AGBL4: variants seen among roughly 807,000 people sequenced by gnomAD.
AGBL4 encodes the protein cytosolic carboxypeptidase 6.
In AGBL4, 58 loss-of-function variants were observed where a neutral mutation model predicts 66.4. The observed-to-expected ratio is 0.87, with a 90% CI of 0.71 to 1.09. The LOEUF (loss-of-function observed/expected upper bound fraction) is 1.09, where lower values mean the gene tolerates loss of function less well. Ranked by LOEUF, AGBL4 falls within the 50% of genes least tolerant of loss-of-function variation. AGBL4 has a pLI of 0.00. For synonymous variants in AGBL4, 234 were observed against 222.9 expected (o/e 1.05, Z -0.44); for missense variants, 579 against 631.0 (o/e 0.92, Z 0.88).
intron 2 of AGBL4, among the ~76,000 whole-genome samples, chr1:49,785,449 T>C (rs1187144810): frequency 6.6e-6 from 1 of 152,064 alleles, no homozygotes; most frequent in African/African-American, 2.4e-5. Context: ...TATATATTAC[T>C]ATTTGACAAT....
downstream of AGBL4, among the ~76,000 whole-genome samples, chr1:48,530,577 C>T (rs1038883191): frequency 1.3e-5 from 2 of 152,112 alleles, no homozygotes; most frequent in Admixed American, 6.5e-5. Flanking sequence ...TGTTGGCTGC[C>T]GCAAAGCAAA....
chr1:48,654,840 C>T (rs748018349), intron 7 of AGBL4, among the ~76,000 whole-genome samples: 48 of 152,226 alleles, frequency 3.2e-4, no homozygotes, highest in Admixed American at 1.3e-4. Flanking sequence ...TCTCGGCTAA[C>T]GCGGCAGTAG....
intron 9 of AGBL4, among the ~76,000 whole-genome samples, chr1:48,604,880 G>C (rs1264272369): frequency 6.6e-6 from 1 of 152,164 alleles, no homozygotes; most frequent in Non-Finnish European, 1.5e-5. Flanking sequence ...GGATTGAAGG[G>C]AAGTCCCACA....
At chr1:49,986,686 C>G (rs567308201) in intron 1 of AGBL4, among the ~76,000 whole-genome samples, 1 of 152,040 alleles carries the variant, frequency 6.6e-6, no homozygotes, top group African/African-American at 2.4e-5. Context: ...AAATATTTTA[C>G]ACTAATTTCT....
At chr1:48,830,852 AG>A (rs1429838198) in intron 6 of AGBL4, among the ~76,000 whole-genome samples, 1 of 152,184 alleles carries the variant, frequency 6.6e-6, no homozygotes, top group Admixed American at 6.5e-5. Flanking sequence ...TAAACGTAAA[AG>A]TTCATTCATC....
At chr1:49,482,050 C>A (rs1646966849) in intron 3 of AGBL4, among the ~76,000 whole-genome samples, 1 of 150,606 alleles carries the variant, frequency 6.6e-6, no homozygotes, top group African/African-American at 2.4e-5. Context: ...AAGATTTTTG[C>A]ATTTATATTC....
At position 49,556,924 on chromosome 1, in the gene AGBL4, C is replaced by T. The variant is rs186162990; in HGVS notation, c.282+140389G>A. Among the ~76,000 whole-genome samples the T allele has an allele frequency of 3.9e-5, 6 of 152,220 alleles. No homozygotes were observed. In the East Asian group the frequency reaches 1.2e-3, roughly 30 times the overall value. ...TGCAGTGCTGGGGGACCCGGCGCACCCTCCGCAGATGCTGGCCCAGGTGCT... is the reference window on the plus strand; with the variant it reads ...TGCAGTGCTGGGGGACCCGGCGCACTCTCCGCAGATGCTGGCCCAGGTGCT... On this transcript the variant is annotated intron_variant, in intron 3 of 13. Transcript: ENST00000371839.
At chr1:49,960,756 T>A (rs1311110180) in intron 1 of AGBL4, among the ~76,000 whole-genome samples, 2 of 152,078 alleles carry the variant, frequency 1.3e-5, no homozygotes, top group Non-Finnish European at 2.9e-5. Flanking sequence ...ATTTTATAGG[T>A]GACAAATGTG....
chr1:49,207,542 T>TTTTCTCTC (rs1648290095), intron 4 of AGBL4, among the ~76,000 whole-genome samples: 3 of 77,976 alleles, frequency 3.8e-5, no homozygotes, highest in Admixed American at 1.6e-4. Context: ...TTTTTCTTTC[T>TTTTCTCTC]TTTCTTTCTT....
At chr1:48,899,657 C>A (rs921244581) in intron 5 of AGBL4, among the ~76,000 whole-genome samples, 15 of 149,020 alleles carry the variant, frequency 1.0e-4, no homozygotes, top group Non-Finnish European at 3.0e-5. Context: ...TCAACTCAGG[C>A]CTGCTACAAG....
intron 3 of AGBL4, among the ~76,000 whole-genome samples, chr1:49,406,942 G>T (rs1645213633): frequency 6.6e-6 from 1 of 151,662 alleles, no homozygotes; most frequent in South Asian, 2.1e-4. Flanking sequence ...GCGGGCGCCT[G>T]TAGTCCCAGC....
chr1:49,027,285 C>T (rs530000957), intron 5 of AGBL4, among the ~76,000 whole-genome samples: 5 of 151,962 alleles, frequency 3.3e-5, no homozygotes, highest in East Asian at 1.9e-4. Context: ...CTAAGCTTCC[C>T]GAGTAGCTGA....
At chr1:49,193,726 G>T (rs992561867) in intron 4 of AGBL4, among the ~76,000 whole-genome samples, 1 of 151,788 alleles carries the variant, frequency 6.6e-6, no homozygotes, top group Admixed American at 6.6e-5. Context: ...GTAGAGATGG[G>T]GTTTCACCAT....
intron 7 of AGBL4, among the ~76,000 whole-genome samples, chr1:48,656,007 G>A (rs1043587400): frequency 6.6e-6 from 1 of 152,190 alleles, no homozygotes; most frequent in Non-Finnish European, 1.5e-5. Flanking sequence ...CCTCCTGCTG[G>A]AAGACACCAT....
chr1:48,577,670 AC>A, intron 11 of AGBL4, among the ~76,000 whole-genome samples: 1 of 151,318 alleles, frequency 6.6e-6, no homozygotes, highest in South Asian at 2.1e-4. Context: ...AGGGCTCACA[AC>A]AGGCAGCAGC....
chr1:49,496,370 T>C (rs1216997259), intron 3 of AGBL4, among the ~76,000 whole-genome samples: 2 of 152,036 alleles, frequency 1.3e-5, no homozygotes, highest in East Asian at 3.9e-4. Flanking sequence ...CTCACGTACT[T>C]ATTTTTGTGG....
Position 49,947,991 on chromosome 1 carries a change from T to A in AGBL4, c.34+75772A>T, listed in dbSNP as rs1443162189. On this transcript the variant is annotated intron_variant, in intron 1 of 13. Coordinates refer to ENST00000371839, the MANE Select transcript of AGBL4 (RefSeq NM_032785.4). ...ATATATATTTATAAATATATATTTA[T>A]ATATATAAATATATATAAATATATA... 2.7e-4 allele frequency among the ~76,000 whole-genome samples: 17 copies of A among 62,632 alleles called. 1 individual carries two copies. The East Asian group carries it at 4.1e-3, about 15-fold the overall frequency. The allele number at this position is 62,632 out of a possible 152,430, so 41.1% of individuals were successfully genotyped here. A position where few individuals can be genotyped will look rare whatever the true frequency, so the allele number is the denominator to read the frequency against.
At chr1:49,183,154 T>C (rs1646958135) in intron 4 of AGBL4, among the ~76,000 whole-genome samples, 1 of 152,174 alleles carries the variant, frequency 6.6e-6, no homozygotes, top group African/African-American at 2.4e-5. Flanking sequence ...TTTCCTTATA[T>C]TCACATTCAA....
At chr1:48,964,935 T>C (rs575222794) in intron 5 of AGBL4, among the ~76,000 whole-genome samples, 43 of 152,296 alleles carry the variant, frequency 2.8e-4, no homozygotes, top group African/African-American at 1.0e-3. Context: ...TTGTTGATGG[T>C]AAAGCCAGGG....
Sources: gnomAD v4.1 joint callset for allele counts (sites outside exome capture counted in the v4.1 genomes callset) on GRCh38, gnomAD v4.1.1 for gene constraint, MANE v1.5 for transcripts, NCBI Gene and HGNC (gene_info 2026-07-23, HGNC 2026-07-21) for gene names.